The following MBTPS2 variants were observed in gnomAD, a reference collection of about 807,000 sequenced individuals.
MBTPS2 encodes the protein membrane-bound transcription factor site-2 protease.
Under a neutral mutation model 35.4 loss-of-function variants are expected in MBTPS2, and 2 were observed. The observed-to-expected ratio is 0.06, with a 90% confidence interval of 0.02 to 0.18. The LOEUF (loss-of-function observed/expected upper bound fraction) is 0.18, where lower values mean the gene tolerates loss of function less well. Ranked by LOEUF, MBTPS2 falls within the 10% of genes least tolerant of loss-of-function variation. The pLI is 1.00. For missense variants in MBTPS2, 244 were observed against 386.5 expected (o/e 0.63, Z 3.09); for synonymous variants, 125 against 140.4 (o/e 0.89, Z 0.77).
chrX:21,853,545 G>A, intron 5 of MBTPS2, 42 bp downstream of exon 5: 2 of 1,177,473 alleles, frequency 1.7e-6, no homozygotes, highest in South Asian at 1.8e-5. Context: ...CTGTGGTTTT[G>A]GTTTTGATTT....
At chrX:21,857,190 G>T in intron 5 of MBTPS2, 4 of 1,211,868 alleles carry the variant, frequency 3.3e-6, no homozygotes, top group East Asian at 3.0e-5. Context: ...TAAACAGCTG[G>T]CAGAATTTAC....
At chrX:21,841,617 TAGTA>T (rs2092902721) in intron 1 of MBTPS2, among the ~76,000 whole-genome samples, 1 of 111,679 alleles carries the variant, frequency 9.0e-6, no homozygotes, top group African/African-American at 3.3e-5. Flanking sequence ...CTGAGCAACA[TAGTA>T]AGACACACAC....
rs184001009 is a variant in MBTPS2 at position 21,869,487 on chromosome X, C to T, written c.790-11C>T. On this transcript the variant is annotated splice_polypyrimidine_tract_variant and intron_variant, in intron 6 of 10. Transcript: ENST00000379484. Reference sequence around the variant, plus strand: ...ATGCATTATCTGATTTGGTTTTACCCTCTTCCCAAGGACTCTCCTGCCATT... The same window carrying T: ...ATGCATTATCTGATTTGGTTTTACCTTCTTCCCAAGGACTCTCCTGCCATT... The T allele has an allele frequency of 9.7e-5, 117 of 1,201,300 alleles. No individual in the cohort carries two copies. In the East Asian group the frequency reaches 2.9e-3, roughly 30 times the overall value.
intron 3 of MBTPS2, among the ~76,000 whole-genome samples, chrX:21,849,764 C>T (rs1421503472): frequency 3.7e-5 from 4 of 107,218 alleles, no homozygotes; most frequent in African/African-American, 1.4e-4. Flanking sequence ...CAGTGGCTCA[C>T]GCTTGTAATC....
chrX:21,856,378 C>G (rs55838624), intron 5 of MBTPS2: 535 of 883,433 alleles, frequency 6.1e-4, no homozygotes, highest in African/African-American at 2.9e-3. Context: ...TGCAGCTCGC[C>G]CCTTCCTCTG....
At chrX:21,840,611 G>A (rs1214794713) in intron 1 of MBTPS2, among the ~76,000 whole-genome samples, 2 of 111,448 alleles carry the variant, frequency 1.8e-5, no homozygotes, top group Admixed American at 1.9e-4. Flanking sequence ...TAGGGGATGG[G>A]GAAGAGTAAC....
chrX:21,877,962 T>A, intron 7 of MBTPS2, 80 bp from the exon 8 acceptor site: 1 of 638,985 alleles, frequency 1.6e-6, no homozygotes, highest in Non-Finnish European at 2.6e-6. Context: ...TTTTACTTAT[T>A]CTTTTTGTCT....
intron 5 of MBTPS2, among the ~76,000 whole-genome samples, chrX:21,866,879 A>G (rs776421853): frequency 1.3e-4 from 14 of 109,957 alleles, no homozygotes; most frequent in African/African-American, 4.3e-4. Flanking sequence ...CTACAAAAAA[A>G]TTAGCCGGGC....
chrX:21,859,936 T>TA (rs988904915), intron 5 of MBTPS2, among the ~76,000 whole-genome samples: 5 of 109,191 alleles, frequency 4.6e-5, no homozygotes, highest in African/African-American at 1.3e-4. Context: ...CTACCAAAAA[T>TA]AAAAAAATTA....
intron 5 of MBTPS2, among the ~76,000 whole-genome samples, chrX:21,859,502 CTGT>C (rs914582147): frequency 3.9e-5 from 4 of 103,064 alleles, no homozygotes; most frequent in Non-Finnish European, 7.9e-5. Flanking sequence ...CTACCAGATG[CTGT>C]TGTTTAGTGT....
At chrX:21,875,103 A>G (rs1406898953) in intron 7 of MBTPS2, among the ~76,000 whole-genome samples, 2 of 112,664 alleles carry the variant, frequency 1.8e-5, no homozygotes, top group African/African-American at 6.5e-5. Flanking sequence ...CAGGGAGGCC[A>G]CAGCCATGGA....
At chrX:21,849,900 C>G (rs984263993) in intron 3 of MBTPS2, among the ~76,000 whole-genome samples, 6 of 107,336 alleles carry the variant, frequency 5.6e-5, no homozygotes, top group Non-Finnish European at 1.2e-4. Flanking sequence ...GTGGCGGGCG[C>G]CTGTAGTCCC....
At chrX:21,856,589 T>A (rs1450542271) in intron 5 of MBTPS2, 1 of 1,211,611 alleles carries the variant, frequency 8.3e-7, no homozygotes, top group Non-Finnish European at 1.1e-6. Flanking sequence ...TGGAGGACAT[T>A]CCGACGGAAA....
intron 5 of MBTPS2, 128 bp from the exon 6 acceptor site, chrX:21,868,339 A>T: frequency 1.8e-6 from 1 of 559,178 alleles, no homozygotes. Context: ...ATAAGTAGAT[A>T]TTTTTGCCTC....
rs903810313 is a variant in MBTPS2, at chrX:21,883,470, C to T, written c.*815C>T. ...CTAGGCCGGGTCTCCTGACAGATCA[C>T]AAGACACCCCAGAGGATCTTCAGCA... On this transcript the variant is annotated 3_prime_UTR_variant, in exon 11 of 11. Transcript: ENST00000379484. The T allele has an allele frequency of 3.0e-5, 23 of 754,262 alleles. No individual in the cohort carries two copies. Among genetic ancestry groups the T allele is most frequent in the Non-Finnish European group, 3.3e-5 (21 of 639,432 alleles). 62.2% of individuals were successfully genotyped at this position (754,262 alleles called of 1,213,427 possible).
intron 4 of MBTPS2, among the ~76,000 whole-genome samples, chrX:21,853,093 C>G (rs1462029026): frequency 9.0e-6 from 1 of 110,984 alleles, no homozygotes; most frequent in Admixed American, 9.6e-5. Context: ...TGACTAACTT[C>G]AATTATTTGC....
At chrX:21,870,211 ACT>A (rs2092945616) in intron 7 of MBTPS2, 1 of 54,465 alleles carries the variant, frequency 1.8e-5, no homozygotes, top group Non-Finnish European at 3.3e-5. Context: ...ATGGAAAGAG[ACT>A]CTGTCTCAAA....
intron 2 of MBTPS2, among the ~76,000 whole-genome samples, chrX:21,844,548 C>T (rs2092906432): frequency 8.9e-6 from 1 of 111,770 alleles, no homozygotes; most frequent in African/African-American, 3.3e-5. Context: ...GAGGACATTA[C>T]TACAGATTCT....
At chrX:21,856,658 A>G (rs950117940) in intron 5 of MBTPS2, 4 of 1,210,057 alleles carry the variant, frequency 3.3e-6, no homozygotes, top group Non-Finnish European at 4.5e-6. Context: ...ACCATCCGCC[A>G]TTGATGGTGT....
Sources: allele counts gnomAD v4.1 joint callset (sites outside exome capture counted in the v4.1 genomes callset), GRCh38; gene constraint gnomAD v4.1.1; transcripts MANE v1.5; gene names NCBI Gene and HGNC (gene_info 2026-07-23, HGNC 2026-07-21).